Variants in ROBO2 observed in about 807,000 individuals in gnomAD.
ROBO2 encodes the protein roundabout homolog 2.
ROBO2 carries 53 observed loss-of-function variants against 160.8 expected under a neutral mutation model. The observed-to-expected ratio is 0.33, with a 90% CI of 0.26 to 0.41. ROBO2 has a LOEUF of 0.41. ROBO2 is among the 10% of genes least tolerant of loss of function. The pLI, the probability that ROBO2 is intolerant of heterozygous loss-of-function variation, is 1.00. For synonymous variants in ROBO2, 664 were observed against 611.7 expected (o/e 1.09, Z -1.26); for missense variants, 1,577 against 1,722.4 (o/e 0.92, Z 1.49).
chr3:77,244,541 G>A lies in ROBO2; in HGVS notation c.388+146201G>A, dbSNP rs545845166. Among the ~76,000 whole-genome samples, 48 of 152,238 alleles carry A rather than the reference G, an allele frequency of 3.2e-4. No individual in the cohort carries two copies. In the East Asian group the frequency reaches 6.2e-3, roughly 20 times the overall value. On this transcript the variant is annotated intron_variant, in intron 2 of 25. Transcript: ENST00000461745. Reference sequence around the variant, plus strand: ...AGTGAGAGATCCTTCATATATTTTCGTTTCCTACCCTTAGTTCCAGATATT... The same window carrying A: ...AGTGAGAGATCCTTCATATATTTTCATTTCCTACCCTTAGTTCCAGATATT...
intron 2 of ROBO2, among the ~76,000 whole-genome samples, chr3:76,551,687 C>G (rs1260628727): frequency 1.3e-5 from 2 of 152,092 alleles, no homozygotes; most frequent in African/African-American, 4.8e-5. Context: ...TTTCTGGCAT[C>G]TCTACACTTC....
At chr3:75,919,711 A>G (rs1330527890) in intron 1 of ROBO2, among the ~76,000 whole-genome samples, 1 of 152,144 alleles carries the variant, frequency 6.6e-6, no homozygotes, top group Non-Finnish European at 1.5e-5. Flanking sequence ...ACTCAATTTC[A>G]GAACTTGTTA....
chr3:76,963,850 G>GAAAAAAAAAAAAAAAAAAAAA (rs1252257358), intron 2 of ROBO2, among the ~76,000 whole-genome samples: 1 of 110,312 alleles, frequency 9.1e-6, no homozygotes, highest in Non-Finnish European at 1.9e-5. Flanking sequence ...AAAAAAAAAA[G>GAAAAAAAAAAAAAAAAAAAAA]AAAAAAAAGA....
chr3:76,534,267 G>C (rs2082377775), intron 2 of ROBO2, among the ~76,000 whole-genome samples: 1 of 152,072 alleles, frequency 6.6e-6, no homozygotes, highest in Admixed American at 6.5e-5. Flanking sequence ...GTGCCAGGTA[G>C]CACATTTTTG....
At chr3:77,051,415 A>G (rs973539178) in intron 1 of ROBO2, among the ~76,000 whole-genome samples, 1 of 152,122 alleles carries the variant, frequency 6.6e-6, no homozygotes, top group African/African-American at 2.4e-5. Flanking sequence ...TCACAATCCA[A>G]CAGACAACTT....
At chr3:76,950,494 A>G (rs2078892154) in intron 2 of ROBO2, among the ~76,000 whole-genome samples, 2 of 152,194 alleles carry the variant, frequency 1.3e-5, no homozygotes, top group Non-Finnish European at 2.9e-5. Flanking sequence ...AGTCAATTAT[A>G]TATTTTATAA....
intron 2 of ROBO2, among the ~76,000 whole-genome samples, chr3:77,429,939 A>T (rs368318637): frequency 1.3e-5 from 2 of 152,228 alleles, no homozygotes; most frequent in East Asian, 3.9e-4. Flanking sequence ...TAAGAGTGGG[A>T]GCCCCTGGCC....
At chr3:77,047,826 G>A (rs150284624) in intron 1 of ROBO2, among the ~76,000 whole-genome samples, 2,904 of 151,388 alleles carry the variant, frequency 0.019, 82 homozygotes, top group African/African-American at 0.064. Flanking sequence ...GGTGGATCAC[G>A]AGGTCAGGAG....
Position 77,289,351 on chromosome 3 carries a change from TA to T in ROBO2, c.389-188060del, listed in dbSNP as rs1316877794. On this transcript the variant is annotated intron_variant, in intron 2 of 25. Transcript: ENST00000461745. ...AAAGACATAAAGTAAAATTGACGGT[TA>T]AACGGGTAAGCTGAGACTAGATCAC... Among the ~76,000 whole-genome samples, 7 of 152,010 alleles carry T rather than the reference TA, an allele frequency of 4.6e-5. No individual in the cohort carries two copies. The South Asian group carries it at 6.2e-4, about 14-fold the overall frequency.
intron 2 of ROBO2, among the ~76,000 whole-genome samples, chr3:77,107,823 G>T (rs1029195919): frequency 6.6e-6 from 1 of 152,080 alleles, no homozygotes; most frequent in African/African-American, 2.4e-5. Context: ...TCTGAACCAA[G>T]ATTTTGGAAT....
At chr3:76,326,023 A>AG (rs2072986900) in intron 2 of ROBO2, among the ~76,000 whole-genome samples, 2 of 152,186 alleles carry the variant, frequency 1.3e-5, no homozygotes, top group Non-Finnish European at 1.5e-5. Flanking sequence ...TAGGCAACCA[A>AG]GAAAAACATG....
intron 2 of ROBO2, among the ~76,000 whole-genome samples, chr3:76,773,249 T>G (rs987379739): frequency 6.6e-6 from 1 of 150,980 alleles, no homozygotes; most frequent in Non-Finnish European, 1.5e-5. Context: ...TTAGAAAGTT[T>G]AAAGTCTGAT....
intron 2 of ROBO2, among the ~76,000 whole-genome samples, chr3:76,502,235 A>T (rs1315391030): frequency 2.6e-5 from 4 of 152,302 alleles, no homozygotes; most frequent in Admixed American, 1.3e-4. Flanking sequence ...TGCAGGATAC[A>T]GTAGAATACA....
At chr3:75,981,120 A>G (rs1323782099) in intron 2 of ROBO2, among the ~76,000 whole-genome samples, 1 of 151,370 alleles carries the variant, frequency 6.6e-6, no homozygotes, top group Non-Finnish European at 1.5e-5. Flanking sequence ...ATGTAACATC[A>G]TTTTCTGTAT....
At chr3:76,541,151 C>T (rs1295421159) in intron 2 of ROBO2, among the ~76,000 whole-genome samples, 1 of 152,178 alleles carries the variant, frequency 6.6e-6, no homozygotes, top group African/African-American at 2.4e-5. Context: ...AAACGTTAGT[C>T]CTCCTCCTGG....
chr3:76,181,888 C>T (rs1371972623), intron 2 of ROBO2, among the ~76,000 whole-genome samples: 2 of 152,180 alleles, frequency 1.3e-5, no homozygotes, highest in East Asian at 3.9e-4. Flanking sequence ...TATTATGTAG[C>T]TTTATTCCCA....
intron 2 of ROBO2, among the ~76,000 whole-genome samples, chr3:76,413,318 A>G (rs577487588): frequency 1.3e-5 from 2 of 152,308 alleles, no homozygotes; most frequent in East Asian, 3.9e-4. Flanking sequence ...ATGTCACCAA[A>G]TGCTATGGAC....
intron 2 of ROBO2, among the ~76,000 whole-genome samples, chr3:77,362,692 A>G (rs1478698094): frequency 6.6e-6 from 1 of 152,108 alleles, no homozygotes; most frequent in Non-Finnish European, 1.5e-5. Context: ...CTGTTCTCAC[A>G]CTGCTAATTA....
At chr3:76,902,606 C>T (rs964393144) in intron 2 of ROBO2, among the ~76,000 whole-genome samples, 1 of 152,012 alleles carries the variant, frequency 6.6e-6, no homozygotes, top group Non-Finnish European at 1.5e-5. Flanking sequence ...TGTTCTTCAG[C>T]TAGATTCTGC....
Sources: gnomAD v4.1 joint callset for allele counts (sites outside exome capture counted in the v4.1 genomes callset) on GRCh38, gnomAD v4.1.1 for gene constraint, MANE v1.5 for transcripts, NCBI Gene and HGNC (gene_info 2026-07-23, HGNC 2026-07-21) for gene names.